The following FRMPD4 variants were observed in gnomAD, a reference collection of about 807,000 sequenced individuals.
FRMPD4 encodes FERM and PDZ domain-containing protein 4.
FRMPD4 carries 22 observed loss-of-function variants against 94.1 expected under a neutral mutation model. That is an observed-to-expected ratio of 0.23 (90% CI 0.17 to 0.33). The LOEUF is 0.33. Among genes scored for constraint, FRMPD4 ranks in the 10% least tolerant of loss-of-function variants. FRMPD4 has a pLI of 1.00. For synonymous variants in FRMPD4, 631 were observed against 548.6 expected (o/e 1.15, Z -2.10); for missense variants, 1,111 against 1,339.9 (o/e 0.83, Z 2.67).
intron 1 of FRMPD4, among the ~76,000 whole-genome samples, chrX:12,479,318 A>G (rs1458780265): frequency 3.8e-5 from 4 of 105,811 alleles, no homozygotes; most frequent in African/African-American, 1.4e-4. Flanking sequence ...GCCTGGACCT[A>G]TTGTGATGTA....
In FRMPD4 at chrX:12,477,236, G is replaced by A. The variant is rs142432108; in HGVS notation, c.42-21444G>A. Among the ~76,000 whole-genome samples the A allele has an allele frequency of 5.8e-3, 644 of 111,030 alleles. 5 individuals carry two copies. The highest frequency in any genetic ancestry group is 0.018 in the African/African-American group (563 of 30,510). ...AACCAAACACCACATGTTCTCACTC[G>A]TAGGTGGGGATTGTATAATGAGAAC... is the stretch of plus-strand genomic sequence containing the variant. On this transcript the variant is annotated intron_variant, in intron 1 of 16. Transcript: ENST00000675598.
chrX:12,639,121 T>G (rs1042732680), intron 4 of FRMPD4, among the ~76,000 whole-genome samples: 2 of 111,936 alleles, frequency 1.8e-5, no homozygotes. Flanking sequence ...AGCTCACCAC[T>G]TATTTTTGCT....
Position 12,572,559 on chromosome X carries a change from T to C in FRMPD4, c.159-37162T>C, listed in dbSNP as rs186613162. Among the ~76,000 whole-genome samples, 303 of 112,004 alleles carry C rather than the reference T, an allele frequency of 2.7e-3. 2 individuals are homozygous for C. The highest frequency in any genetic ancestry group is 9.4e-3 in the African/African-American group (291 of 30,855). On this transcript the variant is annotated intron_variant, in intron 2 of 16. Transcript: ENST00000675598. ...ATTGACATTTGAAGCCAGATGCTTT[T>C]TGTTATGGGGGTGTCTATCTTATGC...
At chrX:12,189,245 G>A (rs895416778) in intron 1 of FRMPD4, among the ~76,000 whole-genome samples, 1 of 111,338 alleles carries the variant, frequency 9.0e-6, no homozygotes, top group African/African-American at 3.3e-5. Context: ...AACTGAATAC[G>A]CCTATATCTA....
chrX:12,592,299 G>C (rs914801168), intron 2 of FRMPD4, among the ~76,000 whole-genome samples: 3 of 111,418 alleles, frequency 2.7e-5, no homozygotes, highest in African/African-American at 9.8e-5. Flanking sequence ...TGGGTCTTTG[G>C]GTCTTCATTA....
At chrX:12,110,709 A>C (rs990902798) in intron 3 of FRMPD4, among the ~76,000 whole-genome samples, 22 of 112,120 alleles carry the variant, frequency 2.0e-4, no homozygotes, top group African/African-American at 7.1e-4. Context: ...GCTGATAAGC[A>C]ACCTCAGCAA....
intron 3 of FRMPD4, among the ~76,000 whole-genome samples, chrX:11,988,283 A>G (rs1410543557): frequency 1.8e-5 from 2 of 110,389 alleles, no homozygotes; most frequent in Non-Finnish European, 3.8e-5. Context: ...AAATAAATCC[A>G]TGTACCTACA....
At chrX:12,416,566 TTC>T (rs2056804090) in intron 1 of FRMPD4, among the ~76,000 whole-genome samples, 1 of 112,533 alleles carries the variant, frequency 8.9e-6, no homozygotes, top group Non-Finnish European at 1.9e-5. Context: ...TTGTGGCATT[TTC>T]TCTGAGATAA....
chrX:12,263,148 G>A (rs1487344748), intron 1 of FRMPD4, among the ~76,000 whole-genome samples: 3 of 111,879 alleles, frequency 2.7e-5, no homozygotes, highest in African/African-American at 9.7e-5. Context: ...GAGAAAGGAT[G>A]TCAATGAAGG....
intron 4 of FRMPD4, among the ~76,000 whole-genome samples, chrX:12,668,938 A>G (rs138877830): frequency 0.013 from 1,488 of 111,773 alleles, 28 homozygotes; most frequent in African/African-American, 0.046. Context: ...TGGATTACTA[A>G]GCTAGAAGTC....
intron 1 of FRMPD4, among the ~76,000 whole-genome samples, chrX:12,150,484 C>T (rs774446670): frequency 1.8e-5 from 2 of 111,682 alleles, no homozygotes; most frequent in South Asian, 7.5e-4. Context: ...AAGTCCTAGT[C>T]TTCTCTAATT....
At chrX:12,017,419 G>A (rs1202407517) in intron 3 of FRMPD4, among the ~76,000 whole-genome samples, 3 of 112,335 alleles carry the variant, frequency 2.7e-5, no homozygotes, top group African/African-American at 9.7e-5. Flanking sequence ...GATTTTATGA[G>A]TAAGCTCAGT....
At chrX:12,447,296 G>A (rs977876512) in intron 1 of FRMPD4, among the ~76,000 whole-genome samples, 5 of 111,205 alleles carry the variant, frequency 4.5e-5, no homozygotes, top group Non-Finnish European at 7.5e-5. Flanking sequence ...AGCATCCCTG[G>A]CCTTAATGCT....
At chrX:11,892,368 A>T (rs1569119765) in intron 3 of FRMPD4, among the ~76,000 whole-genome samples, 1 of 112,195 alleles carries the variant, frequency 8.9e-6, no homozygotes, top group Non-Finnish European at 1.9e-5. Context: ...TTCTGCCGTA[A>T]AGATGGTCTT....
intron 1 of FRMPD4, among the ~76,000 whole-genome samples, chrX:11,854,312 C>A (rs932006670): frequency 9.0e-6 from 1 of 111,481 alleles, no homozygotes; most frequent in African/African-American, 3.3e-5. Context: ...GGGGACACAG[C>A]CAAACCATAA....
At chrX:12,262,867 A>G (rs1017444334) in intron 1 of FRMPD4, among the ~76,000 whole-genome samples, 10 of 111,679 alleles carry the variant, frequency 9.0e-5, no homozygotes, top group South Asian at 3.8e-4. Flanking sequence ...GGGGATTGCT[A>G]TGGTTAGTGT....
intron 2 of FRMPD4, among the ~76,000 whole-genome samples, chrX:12,513,831 G>A (rs1490790965): frequency 8.9e-6 from 1 of 111,953 alleles, no homozygotes; most frequent in East Asian, 2.8e-4. Context: ...TCAAGGTATT[G>A]ATTCTTCCTA....
At chrX:12,222,800 T>C (rs773703337) in intron 1 of FRMPD4, among the ~76,000 whole-genome samples, 20 of 112,569 alleles carry the variant, frequency 1.8e-4, no homozygotes, top group African/African-American at 3.5e-4. Context: ...TGTTCAGTTA[T>C]GTTGTTTCAA....
chrX:12,721,338 C>T lies in FRMPD4; in HGVS notation c.4769C>T (p.Ala1590Val). The T allele has an allele frequency of 1.3e-6, 1 of 755,711 alleles. No homozygotes were observed. The highest frequency in any genetic ancestry group is 1.6e-6 in the Non-Finnish European group (1 of 639,120). 62.3% of individuals were successfully genotyped at this position (755,711 alleles called of 1,213,427 possible). The change falls in exon 17 of 17, where the codon GCA (alanine) becomes GTA (valine). Residue 1590 changes from alanine to valine, a missense_variant. Around this residue, in one of 8 missense-constraint regions of FRMPD4, gnomAD observed 551 missense variants for 591.6 expected, o/e 0.93. Transcript: ENST00000675598. ...AACCTGGCTTTTGATGCCCGGATTG[C>T]AAGAATAAATGCCCTAAAGGAGAGC... ...FSNLAFDARI[A>V]RINALKESTY...
Sources: gnomAD v4.1 joint callset for allele counts (sites outside exome capture counted in the v4.1 genomes callset) on GRCh38, gnomAD v4.1.1 for gene constraint, gnomAD v4.1.1 regional missense constraint, MANE v1.5 for transcripts, NCBI Gene and HGNC (gene_info 2026-07-23, HGNC 2026-07-21) for gene names.